Variants in TRHDE observed in about 807,000 individuals in gnomAD.
The protein encoded by TRHDE is thyrotropin releasing hormone degrading enzyme.
In TRHDE, 72 loss-of-function variants were observed where a neutral mutation model predicts 125.7. The ratio of observed to expected loss-of-function variants is 0.57; its 90% CI spans 0.47 to 0.70. The LOEUF (loss-of-function observed/expected upper bound fraction) is 0.70, where lower values mean the gene tolerates loss of function less well. Ranked by LOEUF, TRHDE falls within the 30% of genes least tolerant of loss-of-function variation. The pLI, the probability that TRHDE is intolerant of heterozygous loss-of-function variation, is 0.00. For synonymous variants in TRHDE, 509 were observed against 509.1 expected (o/e 1.00, Z 0.00); for missense variants, 1,110 against 1,327.1 (o/e 0.84, Z 2.54).
At chr12:72,240,335 G>GTATA (rs550773977) in intron 2 of TRHDE, among the ~76,000 whole-genome samples, 4 of 144,152 alleles carry the variant, frequency 2.8e-5, no homozygotes, top group African/African-American at 1.0e-4. Flanking sequence ...ATATTTGTGT[G>GTATA]TATATATATA....
chr12:72,509,296 A>G (rs76239352), intron 6 of TRHDE, among the ~76,000 whole-genome samples: 1,611 of 151,568 alleles, frequency 0.011, 26 homozygotes, highest in African/African-American at 0.037. Flanking sequence ...ACAAAATGAT[A>G]ATAAAAGACA....
At chr12:72,297,786 A>G (rs1880358524) in intron 2 of TRHDE, among the ~76,000 whole-genome samples, 1 of 152,210 alleles carries the variant, frequency 6.6e-6, no homozygotes, top group Non-Finnish European at 1.5e-5. Flanking sequence ...GAGTGTGGGC[A>G]GAAGTAGTGG....
At chr12:72,485,319 T>C (rs769603729) in intron 5 of TRHDE, among the ~76,000 whole-genome samples, 2 of 152,172 alleles carry the variant, frequency 1.3e-5, no homozygotes, top group Non-Finnish European at 2.9e-5. Context: ...CCTGAGACTT[T>C]GCTGCCCCTG....
chr12:72,562,837 A>AT lies in TRHDE; in HGVS notation c.1855-11dup, dbSNP rs1870245903. The AT allele has an allele frequency of 6.6e-7, 1 of 1,507,080 alleles. No homozygotes were observed. Among genetic ancestry groups the AT allele is most frequent in the African/African-American group, 1.4e-5 (1 of 70,876 alleles). The allele number at this position is 1,507,080 out of a possible 1,614,324, so 93.4% of individuals were successfully genotyped here. A position where few individuals can be genotyped will look rare whatever the true frequency, so the allele number is the denominator to read the frequency against. On this transcript the variant is annotated splice_polypyrimidine_tract_variant and intron_variant, in intron 8 of 18. Transcript: ENST00000261180. ...TCATGTTTATAAAACTAATTTGTAC[A>AT]TTTTTCCTTGTGAAGGCTTTAAAAA...
rs186944199 is a variant in TRHDE at position 72,503,474 on chromosome 12, G to T, written c.1722+3839G>T. Among the ~76,000 whole-genome samples, 230 of 152,224 alleles carry T rather than the reference G, an allele frequency of 1.5e-3. 1 individual carries two copies. The highest frequency in any genetic ancestry group is 5.4e-3 in the African/African-American group (224 of 41,552). The stretch of plus-strand genomic sequence containing the variant: ...ATAACAATCAATAATACACAAAGGA[G>T]AGAAAACATATAAATAAACCAGTGC... On this transcript the variant is annotated intron_variant, in intron 6 of 18. Coordinates refer to ENST00000261180, the MANE Select transcript of TRHDE (RefSeq NM_013381.3).
chr12:72,119,177 A>G (rs1875518779), intron 2 of TRHDE, among the ~76,000 whole-genome samples: 1 of 152,214 alleles, frequency 6.6e-6, no homozygotes, highest in Non-Finnish European at 1.5e-5. Flanking sequence ...GGCACTTACG[A>G]CTTTAAATTT....
At chr12:72,231,851 AT>A (rs981850008) in intron 2 of TRHDE, among the ~76,000 whole-genome samples, 3 of 152,126 alleles carry the variant, frequency 2.0e-5, no homozygotes, top group African/African-American at 7.2e-5. Context: ...CTGGAGTAGA[AT>A]TTTTTTGCCA....
chr12:72,282,389 T>C (rs1347918432), intron 1 of TRHDE, among the ~76,000 whole-genome samples: 1 of 152,186 alleles, frequency 6.6e-6, no homozygotes, highest in Non-Finnish European at 1.5e-5. Flanking sequence ...ACCGTTGCTA[T>C]GGGACTCTTT....
intron 9 of TRHDE, among the ~76,000 whole-genome samples, chr12:72,564,653 A>ATTTTTTTT (rs538823843): frequency 0.015 from 837 of 54,312 alleles, 210 homozygotes; most frequent in Non-Finnish European, 0.023. Context: ...ATGCGTATGA[A>ATTTTTTTT]TTTTTTTTTT....
At chr12:72,143,179 C>G (rs1876155578) in intron 2 of TRHDE, among the ~76,000 whole-genome samples, 1 of 152,298 alleles carries the variant, frequency 6.6e-6, no homozygotes, top group African/African-American at 2.4e-5. Context: ...GGCCTCTGCA[C>G]CTGCCGACCT....
chr12:72,288,610 A>C (rs1879978581), intron 2 of TRHDE, among the ~76,000 whole-genome samples: 1 of 152,278 alleles, frequency 6.6e-6, no homozygotes, highest in Middle Eastern at 3.4e-3. Flanking sequence ...TTACGTCTTC[A>C]AAAGTTGATG....
chr12:72,384,151 A>G (rs1340440162), intron 3 of TRHDE, among the ~76,000 whole-genome samples: 1 of 152,166 alleles, frequency 6.6e-6, no homozygotes, highest in Non-Finnish European at 1.5e-5. Context: ...ATATTTTGTT[A>G]TTCACCCTAT....
intron 12 of TRHDE, among the ~76,000 whole-genome samples, chr12:72,601,396 C>CT (rs1872200138): frequency 6.6e-6 from 1 of 152,106 alleles, no homozygotes; most frequent in Admixed American, 6.5e-5. Flanking sequence ...GGTGAAGATA[C>CT]TGTGAGCTTT....
intron 2 of TRHDE, chr12:72,264,249 G>A (rs1325010162): frequency 6.6e-6 from 1 of 151,816 alleles, no homozygotes; most frequent in Non-Finnish European, 1.5e-5. Context: ...CCTTGTAACT[G>A]CAACATAATT....
intron 2 of TRHDE, among the ~76,000 whole-genome samples, chr12:72,136,688 A>G (rs973832188): frequency 6.6e-6 from 1 of 152,196 alleles, no homozygotes; most frequent in African/African-American, 2.4e-5. Context: ...TCCCACGGAG[A>G]GGGAATATCC....
At chr12:72,449,614 G>T (rs1875473959) in intron 3 of TRHDE, among the ~76,000 whole-genome samples, 1 of 151,728 alleles carries the variant, frequency 6.6e-6, no homozygotes, top group African/African-American at 2.4e-5. Context: ...TTGATTTATT[G>T]TAGGTCCTTT....
chr12:72,135,935 T>C (rs1380023556), intron 2 of TRHDE, among the ~76,000 whole-genome samples: 2 of 152,192 alleles, frequency 1.3e-5, no homozygotes, highest in Admixed American at 1.3e-4. Context: ...GGGCTCGTTT[T>C]TTCCTGGAGA....
chr12:72,112,189 A>T (rs1261231416), intron 2 of TRHDE, among the ~76,000 whole-genome samples: 1 of 152,098 alleles, frequency 6.6e-6, no homozygotes, highest in African/African-American at 2.4e-5. Context: ...GAAATATAGT[A>T]CTGTCAGCAG....
At position 72,341,601 on chromosome 12, in the gene TRHDE, T is replaced by A. The variant is rs531373384; in HGVS notation, c.1189-36394T>A. 5.9e-5 allele frequency among the ~76,000 whole-genome samples: 9 copies of A among 152,224 alleles called. No individual in the cohort carries two copies. The East Asian group carries it at 1.7e-3, about 29-fold the overall frequency. On this transcript the variant is annotated intron_variant, in intron 2 of 18. Transcript: ENST00000261180. ...TGTTATCAGATGTTTGCTTTGGAAA[T>A]TTTTTTGAAAACTTGAAAATTGGAT...
Sources: allele counts gnomAD v4.1 joint callset (sites outside exome capture counted in the v4.1 genomes callset), GRCh38; gene constraint gnomAD v4.1.1; transcripts MANE v1.5; gene names NCBI Gene and HGNC (gene_info 2026-07-23, HGNC 2026-07-21).